RANBP2: variants seen among roughly 807,000 people sequenced by gnomAD.
RANBP2 encodes the protein E3 SUMO-protein ligase RanBP2.
In RANBP2, 57 loss-of-function variants were observed where a neutral mutation model predicts 303.6. The observed-to-expected ratio is 0.19, with a 90% CI of 0.15 to 0.23. The LOEUF (loss-of-function observed/expected upper bound fraction) is 0.23. Ranked by LOEUF, RANBP2 falls within the 10% of genes least tolerant of loss-of-function variation. The pLI is 1.00. For missense variants in RANBP2, 3,138 were observed against 3,780.8 expected (o/e 0.83, Z 4.46); for synonymous variants, 1,167 against 1,301.5 (o/e 0.90, Z 2.23).
chr2:108,833,713 A>G, the RANBP2 span, among the ~76,000 whole-genome samples: 1 of 145,636 alleles, frequency 6.9e-6, no homozygotes, highest in Admixed American at 7.3e-5. Flanking sequence ...ATCAAAATTT[A>G]ATGTGGAGTA....
the RANBP2 span, among the ~76,000 whole-genome samples, chr2:108,821,238 A>G: frequency 6.6e-6 from 1 of 152,120 alleles, no homozygotes; most frequent in Non-Finnish European, 1.5e-5. Flanking sequence ...CGTGCCTGTA[A>G]TCCCAGCTAC....
chr2:109,098,093 C>G, the RANBP2 span, among the ~76,000 whole-genome samples: 1 of 152,294 alleles, frequency 6.6e-6, no homozygotes, highest in African/African-American at 2.4e-5. Flanking sequence ...ACCAGGATCC[C>G]TTCCTCAGGA....
chr2:109,762,323 T>A, the RANBP2 span, among the ~76,000 whole-genome samples: 4 of 150,052 alleles, frequency 2.7e-5, 1 homozygote, highest in Admixed American at 1.4e-4. Context: ...ATTTTATAGG[T>A]TTACATTTAG....
chr2:108,938,425 GCT>G, the RANBP2 span, among the ~76,000 whole-genome samples: 9 of 152,328 alleles, frequency 5.9e-5, no homozygotes, highest in Admixed American at 3.3e-4. Flanking sequence ...GAGGAAGGAA[GCT>G]CTCTCTGCAT....
the RANBP2 span, among the ~76,000 whole-genome samples, chr2:109,024,069 G>GTATGTCCC: frequency 2.6e-5 from 4 of 152,114 alleles, no homozygotes; most frequent in Non-Finnish European, 5.9e-5. Context: ...GGGATTACAG[G>GTATGTCCC]CATGCACCAC....
the RANBP2 span, among the ~76,000 whole-genome samples, chr2:108,951,057 T>G: frequency 6.6e-6 from 1 of 152,240 alleles, no homozygotes; most frequent in Non-Finnish European, 1.5e-5. Context: ...GGCATGCCTC[T>G]CATAATCCAG....
At chr2:108,980,096 G>GGGGTGGGGTGGGGTGGGGTC in the RANBP2 span, among the ~76,000 whole-genome samples, 1 of 151,170 alleles carries the variant, frequency 6.6e-6, no homozygotes, top group African/African-American at 2.4e-5. Flanking sequence ...TGAATGGTGT[G>GGGGTGGGGTGGGGTGGGGTC]GGGTGGGGTG....
At chr2:108,850,697 C>T in the RANBP2 span, among the ~76,000 whole-genome samples, 8 of 152,078 alleles carry the variant, frequency 5.3e-5, no homozygotes, top group Admixed American at 2.6e-4. Flanking sequence ...ATGATCTGCC[C>T]GCCTCAACCT....
At chr2:109,709,230 C>T in the RANBP2 span, among the ~76,000 whole-genome samples, 8 of 150,984 alleles carry the variant, frequency 5.3e-5, no homozygotes, top group Admixed American at 3.3e-4. Flanking sequence ...TGCTTGAACC[C>T]GGAAGGCAGA....
At chr2:109,249,693 G>T in the RANBP2 span, among the ~76,000 whole-genome samples, 1 of 147,876 alleles carries the variant, frequency 6.8e-6, no homozygotes, top group Non-Finnish European at 1.5e-5. Context: ...TGTCATCAAG[G>T]CTGGAGTACA....
chr2:109,118,914 C>T, the RANBP2 span, among the ~76,000 whole-genome samples: 2 of 152,178 alleles, frequency 1.3e-5, no homozygotes, highest in African/African-American at 4.8e-5. Flanking sequence ...CTGGCAATGT[C>T]TAGGCAGAGG....
At position 108,763,612 on chromosome 2, in the gene RANBP2, A is replaced by G. The variant is rs1471912795; in HGVS notation, c.3073A>G (p.Thr1025Ala). 1 of 1,614,156 alleles carries G rather than the reference A, an allele frequency of 6.2e-7. No individual in the cohort carries two copies. Reference protein sequence around the residue: ...LRPSLPTQAHTTQPTPFKFNS... With the variant: ...LRPSLPTQAHATQPTPFKFNS... ...GCCATCTTTGCCAACACAAGCACAC[A>G]CAACACAGCCAACTCCTTTTAAATT... is the stretch of plus-strand genomic sequence containing the variant. The change falls in exon 20 of 29, where the codon ACA (threonine) becomes GCA (alanine). Residue 1025 changes from threonine (T) to alanine (A), a missense_variant. By Grantham distance (58) the Thr-to-Ala change is moderately conservative. This residue lies in a region of RANBP2 where 403 missense variants were observed against 376.7 expected (regional missense o/e 1.07). Transcript: ENST00000283195.
At position 108,783,615 on chromosome 2, in the gene RANBP2, A is replaced by T; in HGVS notation, c.9389A>T (p.His3130Leu). ...FVCQGGDITK[H>L]DGTGGQSIYG... is the part of the protein sequence containing the mutation. ...TTTCAGGGAGGAGATATCACCAAAC[A>T]TGATGGAACAGGCGGACAGTCCATT... Residue 3130 changes from histidine to leucine, a missense_variant, in exon 29 of 29, where the codon CAT (histidine) becomes CTT (leucine). Coordinates refer to ENST00000283195, the MANE Select transcript of RANBP2 (RefSeq NM_006267.5). 1 of 1,611,618 alleles carries T rather than the reference A, an allele frequency of 6.2e-7. No individual in the cohort carries two copies. The highest frequency in any genetic ancestry group is 8.5e-7 in the Non-Finnish European group (1 of 1,178,484).
chr2:109,560,732 G>A, the RANBP2 span, among the ~76,000 whole-genome samples: 4 of 152,068 alleles, frequency 2.6e-5, no homozygotes, highest in African/African-American at 7.2e-5. Flanking sequence ...AAAAAAGCTA[G>A]TCCTCCTTCA....
the RANBP2 span, among the ~76,000 whole-genome samples, chr2:109,734,540 A>C: frequency 4.6e-5 from 7 of 152,206 alleles, no homozygotes; most frequent in Non-Finnish European, 1.0e-4. Context: ...AAGACTTACC[A>C]CTGTTAAGAT....
chr2:109,092,615 C>G, the RANBP2 span, among the ~76,000 whole-genome samples: 1 of 152,134 alleles, frequency 6.6e-6, no homozygotes, highest in African/African-American at 2.4e-5. Context: ...GCAGGGTCAT[C>G]AAAAGCCAGT....
the RANBP2 span, among the ~76,000 whole-genome samples, chr2:109,099,025 C>T: frequency 3.3e-5 from 5 of 152,140 alleles, no homozygotes; most frequent in African/African-American, 9.7e-5. Context: ...GCTAGCCACG[C>T]AGTAGGTTTG....
the RANBP2 span, among the ~76,000 whole-genome samples, chr2:109,417,060 TG>T: frequency 6.6e-6 from 1 of 152,196 alleles, no homozygotes; most frequent in African/African-American, 2.4e-5. Flanking sequence ...CTGTTGTCCC[TG>T]TGTTGGAATT....
At chr2:109,000,460 A>C in the RANBP2 span, among the ~76,000 whole-genome samples, 1 of 152,188 alleles carries the variant, frequency 6.6e-6, no homozygotes, top group South Asian at 2.1e-4. Context: ...TGGGAGACAG[A>C]GGCTGCAGGC....
Sources: allele counts gnomAD v4.1 joint callset (sites outside exome capture counted in the v4.1 genomes callset), GRCh38; gene constraint gnomAD v4.1.1; regional missense constraint gnomAD v4.1.1; transcripts MANE v1.5; gene names NCBI Gene and HGNC (gene_info 2026-07-23, HGNC 2026-07-21).